Variants in NRXN3 observed in about 807,000 individuals in gnomAD.
NRXN3 encodes the protein neurexin III.
A neutral mutation model predicts 137.6 loss-of-function variants in NRXN3; 32 were observed. The observed-to-expected ratio is 0.23, with a 90% CI of 0.18 to 0.31. The LOEUF (loss-of-function observed/expected upper bound fraction) is 0.31. Among genes scored for constraint, NRXN3 ranks in the 10% least tolerant of loss-of-function variants. The pLI, the probability that NRXN3 is intolerant of heterozygous loss-of-function variation, is 1.00. For missense variants in NRXN3, 1,574 were observed against 2,062.5 expected, an observed-to-expected ratio of 0.76 and a Z score of 4.59; for synonymous variants, 798 against 784.5, an observed-to-expected ratio of 1.02 and a Z score of -0.29.
chr14:79,128,990 G>A (rs1441836619), intron 15 of NRXN3, among the ~76,000 whole-genome samples: 11 of 152,092 alleles, frequency 7.2e-5, no homozygotes, highest in Non-Finnish European at 1.3e-4. Flanking sequence ...ATTCTCTGAT[G>A]GTAGTTTGTA....
At chr14:78,522,543 T>C (rs1354446901) in intron 4 of NRXN3, among the ~76,000 whole-genome samples, 4 of 152,222 alleles carry the variant, frequency 2.6e-5, no homozygotes, top group African/African-American at 7.2e-5. Context: ...CTTCATGTCA[T>C]GTAGCCAACA....
intron 19 of NRXN3, among the ~76,000 whole-genome samples, chr14:79,721,140 T>G (rs1417372042): frequency 1.3e-5 from 2 of 152,190 alleles, no homozygotes; most frequent in African/African-American, 4.8e-5. Flanking sequence ...GCATTCCATT[T>G]AGAAACATCT....
At chr14:79,022,741 A>G (rs1341985566) in intron 15 of NRXN3, among the ~76,000 whole-genome samples, 1 of 152,162 alleles carries the variant, frequency 6.6e-6, no homozygotes, top group East Asian at 1.9e-4. Context: ...TTCTTCAGCT[A>G]CTTGGAGCCA....
chr14:78,268,077 T>C (rs2072089107), intron 2 of NRXN3, among the ~76,000 whole-genome samples: 2 of 152,216 alleles, frequency 1.3e-5, no homozygotes, highest in African/African-American at 4.8e-5. Context: ...CAAACTGTGT[T>C]CTGTGAGATG....
chr14:78,530,363 C>T lies in NRXN3; in HGVS notation c.758-114757C>T, dbSNP rs77612979. Among the ~76,000 whole-genome samples, 721 of 152,342 alleles carry T rather than the reference C, an allele frequency of 4.7e-3. 42 individuals are homozygous for T. In the East Asian group the frequency reaches 0.096, roughly 20 times the overall value. ...CAGCCACTGTGGTGAAAATCACCCC[C>T]TTTAGCAGAAGGAAATTTACTTAGA... On this transcript the variant is annotated intron_variant, in intron 4 of 20. Transcript: ENST00000335750.
chr14:79,858,885 C>T (rs1236667323), intron 20 of NRXN3, among the ~76,000 whole-genome samples: 2 of 151,354 alleles, frequency 1.3e-5, no homozygotes, highest in East Asian at 3.9e-4. Flanking sequence ...TAGGGAACTG[C>T]ACTCCAAATC....
At chr14:78,297,673 T>C (rs367623831) in intron 3 of NRXN3, among the ~76,000 whole-genome samples, 158 bp from the exon 4 acceptor site, 18 of 152,240 alleles carry the variant, frequency 1.2e-4, no homozygotes, top group African/African-American at 4.3e-4. Context: ...TATGTGCATG[T>C]GGAGTCTGAC....
chr14:78,825,753 A>G (rs762056115), intron 10 of NRXN3, among the ~76,000 whole-genome samples: 13 of 152,254 alleles, frequency 8.5e-5, no homozygotes, highest in Non-Finnish European at 1.9e-4. Context: ...TGTTTGATGA[A>G]GGTGAATGTA....
intron 15 of NRXN3, among the ~76,000 whole-genome samples, chr14:78,997,780 C>G (rs943306761): frequency 6.6e-6 from 1 of 152,200 alleles, no homozygotes; most frequent in Non-Finnish European, 1.5e-5. Flanking sequence ...TTCTCAGAAA[C>G]TTTTCTTGTT....
intron 4 of NRXN3, among the ~76,000 whole-genome samples, chr14:78,536,209 A>G (rs577523837): frequency 1.3e-4 from 20 of 152,302 alleles, no homozygotes; most frequent in African/African-American, 4.8e-4. Context: ...AAGTGCAGAG[A>G]AATTAATGTC....
intron 6 of NRXN3, among the ~76,000 whole-genome samples, chr14:78,690,816 C>T (rs1002855050): frequency 6.6e-6 from 1 of 152,030 alleles, no homozygotes; most frequent in Non-Finnish European, 1.5e-5. Flanking sequence ...TTTTAAAGTT[C>T]TGTAGAGAAT....
Position 78,720,110 on chromosome 14 carries a change from G to A in NRXN3, c.2044+4971G>A, listed in dbSNP as rs549481474. Among the ~76,000 whole-genome samples, 16 of 151,884 alleles carry A rather than the reference G, an allele frequency of 1.1e-4. No homozygotes were observed. In the East Asian group the frequency reaches 2.5e-3, roughly 24 times the overall value. On this transcript the variant is annotated intron_variant, in intron 8 of 20. Coordinates refer to ENST00000335750, the MANE Select transcript of NRXN3 (RefSeq NM_001330195.2). The stretch of plus-strand genomic sequence containing the variant: ...GTTATTAAATGTGGGAGGGCTCCAG[G>A]GTTTCTGTTTTAGGTCTCTTCTTGG...
chr14:79,752,260 G>A (rs909414414), intron 19 of NRXN3, among the ~76,000 whole-genome samples: 4 of 151,884 alleles, frequency 2.6e-5, no homozygotes, highest in African/African-American at 9.7e-5. Context: ...TCCTGTTATT[G>A]GTCTATTCAG....
intron 15 of NRXN3, among the ~76,000 whole-genome samples, chr14:79,307,743 A>T (rs906420525): frequency 6.6e-6 from 1 of 152,054 alleles, no homozygotes; most frequent in South Asian, 2.1e-4. Flanking sequence ...CAGTCTTCAC[A>T]TGAGGTTTCA....
At chr14:78,941,299 T>C (rs1384416848) in intron 10 of NRXN3, among the ~76,000 whole-genome samples, 1 of 152,136 alleles carries the variant, frequency 6.6e-6, no homozygotes. Flanking sequence ...TCCCAGTCAA[T>C]ATAAGCTCAC....
intron 4 of NRXN3, among the ~76,000 whole-genome samples, chr14:78,310,156 T>G (rs1407615678): frequency 6.6e-6 from 1 of 152,026 alleles, no homozygotes; most frequent in Non-Finnish European, 1.5e-5. Flanking sequence ...GCTAGGAACT[T>G]TAGTCTTATT....
chr14:78,182,951 G>A (rs2059940528), intron 1 of NRXN3, among the ~76,000 whole-genome samples: 1 of 152,188 alleles, frequency 6.6e-6, no homozygotes, highest in African/African-American at 2.4e-5. Flanking sequence ...TTCTGTCTGT[G>A]CGATGGCACA....
intron 15 of NRXN3, among the ~76,000 whole-genome samples, chr14:79,400,151 T>C (rs551930252): frequency 5.9e-5 from 9 of 152,348 alleles, no homozygotes; most frequent in African/African-American, 2.2e-4. Context: ...AATATCACAT[T>C]CTGAGGTTCC....
intron 16 of NRXN3, among the ~76,000 whole-genome samples, chr14:79,655,559 A>G (rs1224017464): frequency 6.6e-6 from 1 of 152,200 alleles, no homozygotes; most frequent in Admixed American, 6.5e-5. Flanking sequence ...ATGCATGTAA[A>G]TGTGTGTAGA....
Sources: allele counts gnomAD v4.1 joint callset (sites outside exome capture counted in the v4.1 genomes callset), GRCh38; gene constraint gnomAD v4.1.1; transcripts MANE v1.5; gene names NCBI Gene and HGNC (gene_info 2026-07-23, HGNC 2026-07-21).